Variants in IL1RAPL2 observed in about 807,000 individuals in gnomAD.
IL1RAPL2 encodes X-linked interleukin-1 receptor accessory protein-like 2.
A neutral mutation model predicts 44.1 loss-of-function variants in IL1RAPL2; 3 were observed. The observed-to-expected ratio is 0.07, with a 90% CI of 0.03 to 0.18. The LOEUF (loss-of-function observed/expected upper bound fraction) is 0.18. Ranked by LOEUF, IL1RAPL2 falls within the 10% of genes least tolerant of loss-of-function variation. The pLI, the probability that IL1RAPL2 is intolerant of heterozygous loss-of-function variation, is 1.00. For synonymous variants in IL1RAPL2, 181 were observed against 178.8 expected, an observed-to-expected ratio of 1.01 and a Z score of -0.10; for missense variants, 391 against 496.4, an observed-to-expected ratio of 0.79 and a Z score of 2.02.
chrX:105,406,300 T>C (rs2035643940), intron 5 of IL1RAPL2: 2 of 1,031,907 alleles, frequency 1.9e-6, no homozygotes, highest in Admixed American at 2.2e-5. Context: ...TTGACCGAAG[T>C]CCTGAGTACT....
intron 1 of IL1RAPL2, among the ~76,000 whole-genome samples, chrX:104,641,373 G>A (rs914533237): frequency 9.0e-6 from 1 of 111,487 alleles, no homozygotes; most frequent in Non-Finnish European, 1.9e-5. Flanking sequence ...CTAATGGTGA[G>A]AGATGGTACC....
chrX:105,019,213 T>C (rs1463646202), intron 2 of IL1RAPL2, among the ~76,000 whole-genome samples: 2 of 112,099 alleles, frequency 1.8e-5, no homozygotes, highest in African/African-American at 6.5e-5. Flanking sequence ...TATTCTTTAG[T>C]AGCATGTTTT....
At chrX:105,339,526 C>G (rs1275123855) in intron 5 of IL1RAPL2, among the ~76,000 whole-genome samples, 1 of 111,434 alleles carries the variant, frequency 9.0e-6, no homozygotes, top group African/African-American at 3.3e-5. Flanking sequence ...ACATTTTAAA[C>G]TAAAACATTA....
At chrX:105,306,122 T>A (rs984482141) in intron 5 of IL1RAPL2, among the ~76,000 whole-genome samples, 2 of 111,609 alleles carry the variant, frequency 1.8e-5, no homozygotes, top group African/African-American at 6.5e-5. Context: ...TTCACAATTT[T>A]AAAAAATATT....
intron 5 of IL1RAPL2, among the ~76,000 whole-genome samples, chrX:105,333,949 G>C (rs2035008115): frequency 8.9e-6 from 1 of 111,752 alleles, no homozygotes; most frequent in Admixed American, 9.5e-5. Context: ...CAACCACTAT[G>C]GAGTCCAATT....
chrX:105,130,245 A>G (rs1430570035), intron 2 of IL1RAPL2, among the ~76,000 whole-genome samples: 1 of 111,183 alleles, frequency 9.0e-6, no homozygotes, highest in Admixed American at 9.6e-5. Context: ...CAGTAATCCC[A>G]TTGACTGCTT....
At chrX:105,624,069 G>A (rs1009341312) in intron 6 of IL1RAPL2, among the ~76,000 whole-genome samples, 6 of 111,140 alleles carry the variant, frequency 5.4e-5, no homozygotes, top group Admixed American at 9.6e-5. Context: ...TACAGCATTC[G>A]AGAAGGATTT....
At chrX:105,274,108 A>G (rs764516685) in intron 5 of IL1RAPL2, among the ~76,000 whole-genome samples, 21 of 112,392 alleles carry the variant, frequency 1.9e-4, no homozygotes, top group East Asian at 8.4e-4. Flanking sequence ...CACGATGTCT[A>G]TCATTCCACT....
rs192336001 is a variant in IL1RAPL2, at chrX:105,704,589, C to A, written c.773-12778C>A. ...CTATTTTGTCCCTTGCTTTGGGAAT[C>A]TTTGTTCTAAAGAAGCAGCAATTTT... On this transcript the variant is annotated intron_variant, in intron 6 of 10. Coordinates refer to ENST00000372582, the MANE Select transcript of IL1RAPL2 (RefSeq NM_017416.2). Among the ~76,000 whole-genome samples the A allele has an allele frequency of 1.5e-3, 170 of 111,539 alleles. 2 individuals are homozygous for A. The highest frequency in any genetic ancestry group is 5.3e-3 in the African/African-American group (164 of 30,776).
At chrX:105,078,046 C>G (rs1211922676) in intron 2 of IL1RAPL2, among the ~76,000 whole-genome samples, 1 of 111,951 alleles carries the variant, frequency 8.9e-6, no homozygotes. Context: ...ACTCGTCATT[C>G]TCCGTCCAGC....
At chrX:105,387,654 T>C (rs931427193) in intron 5 of IL1RAPL2, among the ~76,000 whole-genome samples, 1 of 112,017 alleles carries the variant, frequency 8.9e-6, no homozygotes, top group Non-Finnish European at 1.9e-5. Context: ...AAAATTGTAC[T>C]GTAAGTGAAA....
intron 2 of IL1RAPL2, among the ~76,000 whole-genome samples, chrX:104,771,633 G>A (rs1932642925): frequency 9.0e-6 from 1 of 111,624 alleles, no homozygotes; most frequent in Non-Finnish European, 1.9e-5. Flanking sequence ...TTTTGAAGCA[G>A]GCACATAAGG....
chrX:105,009,506 A>G (rs1189916933), intron 2 of IL1RAPL2, among the ~76,000 whole-genome samples: 1 of 105,304 alleles, frequency 9.5e-6, no homozygotes, highest in African/African-American at 3.5e-5. Context: ...AGGACAAAAA[A>G]CCAAACACCA....
At chrX:105,766,336 T>A (rs1029527248) in intron 10 of IL1RAPL2, among the ~76,000 whole-genome samples, 7 of 111,359 alleles carry the variant, frequency 6.3e-5, no homozygotes, top group African/African-American at 2.3e-4. Flanking sequence ...TTGAAGGGCA[T>A]AATGGAGAAC....
rs182934339 is a variant in IL1RAPL2, at chrX:105,534,587, C to T, written c.772+50200C>T. On this transcript the variant is annotated intron_variant, in intron 6 of 10. Transcript: ENST00000372582. ...ATTTTTGAAAAAATGGGAAGAATCA[C>T]GCTACTGAACTTTAAGACTTACTCT... 1.4e-4 allele frequency among the ~76,000 whole-genome samples: 16 copies of T among 111,221 alleles called. 1 individual carries two copies. In the East Asian group the frequency reaches 3.1e-3, roughly 22 times the overall value.
intron 2 of IL1RAPL2, among the ~76,000 whole-genome samples, chrX:104,879,087 T>G (rs1922988235): frequency 1.8e-5 from 2 of 110,579 alleles, no homozygotes; most frequent in African/African-American, 6.6e-5. Context: ...AGGGAAAGAA[T>G]CGGATTCTTT....
intron 2 of IL1RAPL2, among the ~76,000 whole-genome samples, chrX:105,174,067 C>CT (rs1298874404): frequency 1.8e-5 from 2 of 110,669 alleles, no homozygotes; most frequent in East Asian, 2.8e-4. Context: ...CCAACCAATC[C>CT]TTTTTTTTAG....
intron 5 of IL1RAPL2, among the ~76,000 whole-genome samples, chrX:105,409,048 T>C (rs1409456152): frequency 1.8e-5 from 2 of 111,806 alleles, no homozygotes; most frequent in South Asian, 3.7e-4. Context: ...ATTTTTCTTA[T>C]GGCTGATAGG....
intron 2 of IL1RAPL2, among the ~76,000 whole-genome samples, chrX:105,188,614 A>G (rs2033610019): frequency 8.9e-6 from 1 of 112,039 alleles, no homozygotes; most frequent in African/African-American, 3.2e-5. Context: ...CTAGGTTGCA[A>G]TGAGATGAAG....
Sources: gnomAD v4.1 joint callset for allele counts (sites outside exome capture counted in the v4.1 genomes callset) on GRCh38, gnomAD v4.1.1 for gene constraint, MANE v1.5 for transcripts, NCBI Gene and HGNC (gene_info 2026-07-23, HGNC 2026-07-21) for gene names.